CIMAP1D: variants seen among roughly 807,000 people sequenced by gnomAD.
CIMAP1D encodes CIMAP1 family member D.
At chr19:483,643 G>A in the CIMAP1D span, among the ~76,000 whole-genome samples, 49 of 152,310 alleles carry the variant, frequency 3.2e-4, 1 homozygote, top group African/African-American at 1.1e-3. Flanking sequence ...CAGGGATGCC[G>A]CTAGGCACCC....
the CIMAP1D span, among the ~76,000 whole-genome samples, chr19:481,066 G>A: frequency 6.8e-6 from 1 of 146,224 alleles, no homozygotes; most frequent in Admixed American, 6.9e-5. Context: ...TGATGGAAAG[G>A]ATGATGGGAA....
chr19:487,760 G>A, the CIMAP1D span, among the ~76,000 whole-genome samples: 7 of 152,100 alleles, frequency 4.6e-5, no homozygotes, highest in African/African-American at 1.2e-4. Flanking sequence ...TATTAAGGGA[G>A]GAGACCATCC....
chr19:464,243 TGAGGTGTCCAGGGGCTTCAGGGG>T, the CIMAP1D span: 14 of 1,529,842 alleles, frequency 9.2e-6, no homozygotes, highest in Non-Finnish European at 1.2e-5. Context: ...GGGCAGGGGC[TGAGGTGTCCAGGGGCTTCAGGGG>T]GAGGCGGCAG....
chr19:465,735 G>A, the CIMAP1D span, among the ~76,000 whole-genome samples: 7 of 148,226 alleles, frequency 4.7e-5, no homozygotes, highest in African/African-American at 1.8e-4. Flanking sequence ...GTAGGTGAAA[G>A]GATGGACAGA....
At chr19:466,057 G>C in the CIMAP1D span, among the ~76,000 whole-genome samples, 1 of 149,048 alleles carries the variant, frequency 6.7e-6, no homozygotes, top group East Asian at 2.0e-4. Flanking sequence ...TGGGTGGATG[G>C]ATGAGTAGAT....
chr19:471,797 C>G, the CIMAP1D span, among the ~76,000 whole-genome samples: 2 of 151,688 alleles, frequency 1.3e-5, no homozygotes, highest in African/African-American at 4.8e-5. Context: ...GGCTGGAGTG[C>G]AGTGGCGCCA....
chr19:489,144 G>T, the CIMAP1D span: 1 of 148,178 alleles, frequency 6.7e-6, no homozygotes, highest in East Asian at 2.0e-4. Flanking sequence ...GGCGGGGTGG[G>T]TGCGCGCGCA....
chr19:485,047 A>G, the CIMAP1D span, among the ~76,000 whole-genome samples: 2 of 151,888 alleles, frequency 1.3e-5, no homozygotes, highest in Non-Finnish European at 2.9e-5. Context: ...TTGAAGGCAG[A>G]ACTCACAAGA....
the CIMAP1D span, among the ~76,000 whole-genome samples, chr19:466,745 A>G: frequency 0.022 from 1,982 of 91,718 alleles, 64 homozygotes; most frequent in African/African-American, 0.074. Flanking sequence ...GGATGAGTGG[A>G]TGGGTGGATG....
the CIMAP1D span, among the ~76,000 whole-genome samples, chr19:480,907 TGGGAAGGATGATG>T: frequency 3.4e-3 from 219 of 64,300 alleles, no homozygotes; most frequent in Non-Finnish European, 4.5e-3. Flanking sequence ...AGAAGGAATG[TGGGAAGGATGATG>T]GGGAAGGATG....
the CIMAP1D span, among the ~76,000 whole-genome samples, chr19:473,163 A>C: frequency 9.3e-6 from 1 of 107,312 alleles, no homozygotes; most frequent in Non-Finnish European, 1.8e-5. Flanking sequence ...AGATGGGGAG[A>C]CTGAGGCCTG....
At chr19:470,364 G>A in the CIMAP1D span, among the ~76,000 whole-genome samples, 6 of 111,338 alleles carry the variant, frequency 5.4e-5, no homozygotes, top group East Asian at 1.3e-3. Context: ...CCGCCACCAC[G>A]CCCGGCTAAT....
the CIMAP1D span, among the ~76,000 whole-genome samples, chr19:482,183 A>G: frequency 1.3e-5 from 2 of 152,224 alleles, no homozygotes; most frequent in African/African-American, 4.8e-5. Flanking sequence ...ATTTCTGCAT[A>G]TGAACATTAC....
At chr19:465,140 T>C in the CIMAP1D span, among the ~76,000 whole-genome samples, 7 of 107,036 alleles carry the variant, frequency 6.5e-5, no homozygotes, top group African/African-American at 2.6e-4. Flanking sequence ...AGTGGATGGA[T>C]GGATGGGTGG....
the CIMAP1D span, among the ~76,000 whole-genome samples, chr19:484,219 C>T: frequency 4.7e-5 from 7 of 149,178 alleles, no homozygotes; most frequent in Admixed American, 1.4e-4. Context: ...TGGCTCACCA[C>T]AATCTCTGCC....
the CIMAP1D span, among the ~76,000 whole-genome samples, chr19:483,252 C>T: frequency 1.7e-4 from 18 of 106,214 alleles, no homozygotes; most frequent in Admixed American, 3.5e-4. Context: ...GGGCCCCATC[C>T]CCCCCCAACA....
the CIMAP1D span, among the ~76,000 whole-genome samples, chr19:473,436 C>T: frequency 0.31 from 17,267 of 55,024 alleles, 4,574 homozygotes; most frequent in Non-Finnish European, 0.56. Flanking sequence ...CAGAGATACA[C>T]GATCACAGAT....
chr19:472,330 C>T, the CIMAP1D span: 2 of 959,704 alleles, frequency 2.1e-6, no homozygotes, highest in Non-Finnish European at 3.0e-6. Context: ...GGAGACCCAT[C>T]AGTGCTCCTG....
At chr19:477,915 T>C in the CIMAP1D span, among the ~76,000 whole-genome samples, 1 of 152,202 alleles carries the variant, frequency 6.6e-6, no homozygotes, top group South Asian at 2.1e-4. Context: ...CATCCGGACC[T>C]GCTTTCCCTC....
Sources: gnomAD v4.1 joint callset for allele counts (sites outside exome capture counted in the v4.1 genomes callset) on GRCh38, gnomAD v4.1.1 for gene constraint, MANE v1.5 for transcripts, NCBI Gene and HGNC (gene_info 2026-07-23, HGNC 2026-07-21) for gene names.